Variants in MACROD2 observed in about 807,000 individuals in gnomAD.
MACROD2 encodes the protein mono-ADP ribosylhydrolase 2.
Under a neutral mutation model 70.4 loss-of-function variants are expected in MACROD2, and 36 were observed. The ratio of observed to expected loss-of-function variants is 0.51; its 90% CI spans 0.39 to 0.68. The LOEUF is 0.68. Ranked by LOEUF, MACROD2 falls within the 30% of genes least tolerant of loss-of-function variation. The probability of loss-of-function intolerance (pLI) is 0.00; values close to 1 mark genes in which losing one functional copy is unlikely to be tolerated. For missense variants in MACROD2, 496 were observed against 538.4 expected (o/e 0.92, Z 0.78); for synonymous variants, 172 against 178.8 (o/e 0.96, Z 0.30).
intron 5 of MACROD2, among the ~76,000 whole-genome samples, chr20:15,040,317 G>GA (rs11087118): frequency 0.28 from 39,177 of 140,374 alleles, 5,498 homozygotes; most frequent in South Asian, 0.37. Flanking sequence ...TCCGTCTCAG[G>GA]AAAAAAAAAA....
chr20:14,536,535 G>T (rs563122170), intron 4 of MACROD2, among the ~76,000 whole-genome samples: 65 of 151,954 alleles, frequency 4.3e-4, no homozygotes, highest in Non-Finnish European at 7.2e-4. Flanking sequence ...TTAAATGCAA[G>T]GAATCTTTAG....
chr20:14,822,462 T>C (rs1359358237), intron 5 of MACROD2, among the ~76,000 whole-genome samples: 1 of 152,074 alleles, frequency 6.6e-6, no homozygotes, highest in Non-Finnish European at 1.5e-5. Flanking sequence ...CGGCAAGCCA[T>C]TTGGTGTGCT....
intron 5 of MACROD2, among the ~76,000 whole-genome samples, chr20:14,930,760 G>A (rs187097): frequency 7.9e-6 from 1 of 126,000 alleles, no homozygotes; most frequent in Non-Finnish European, 1.6e-5. Context: ...TAGGGAGAGC[G>A]TGTCTTAAAA....
chr20:14,946,489 A>C (rs1238146975), intron 5 of MACROD2, among the ~76,000 whole-genome samples: 1 of 152,162 alleles, frequency 6.6e-6, no homozygotes, highest in Admixed American at 6.5e-5. Flanking sequence ...GATAAAAGTA[A>C]ATATAGATAT....
chr20:14,386,023 CGT>C (rs1448506088), intron 3 of MACROD2, among the ~76,000 whole-genome samples: 3 of 137,546 alleles, frequency 2.2e-5, no homozygotes, highest in South Asian at 3.2e-4. Flanking sequence ...GCCAATACAG[CGT>C]ATTTTTGTTA....
At chr20:14,089,461 A>G (rs929188742) in intron 3 of MACROD2, among the ~76,000 whole-genome samples, 1 of 152,220 alleles carries the variant, frequency 6.6e-6, no homozygotes, top group African/African-American at 2.4e-5. Flanking sequence ...TGAAGTTCTC[A>G]TGACCATATT....
chr20:15,603,875 A>G (rs543040415), intron 8 of MACROD2, among the ~76,000 whole-genome samples: 28 of 152,158 alleles, frequency 1.8e-4, no homozygotes, highest in Non-Finnish European at 3.4e-4. Flanking sequence ...GAGTGTCTTT[A>G]ATTGTTTTAA....
At chr20:15,632,954 C>T (rs1373483500) in intron 8 of MACROD2, among the ~76,000 whole-genome samples, 1 of 151,630 alleles carries the variant, frequency 6.6e-6, no homozygotes, top group Admixed American at 6.6e-5. Context: ...CCCCTCCTTC[C>T]CTCTTTCCTT....
At chr20:15,752,241 G>A (rs943963056) in intron 8 of MACROD2, among the ~76,000 whole-genome samples, 6 of 152,064 alleles carry the variant, frequency 3.9e-5, no homozygotes, top group Admixed American at 2.0e-4. Flanking sequence ...TCAACCCAGG[G>A]AAAATATACC....
In MACROD2 at chr20:15,157,349, ACCCCCCCCCACCTC is replaced by A. The variant is rs1283116118; in HGVS notation, c.419-72581_419-72568del. On this transcript the variant is annotated intron_variant, in intron 5 of 17. Transcript: ENST00000684519. ...TGACCTCATCTAAATCTAATTAACC[ACCCCCCCCCACCTC>A]CCCCCCCCCCGGCCACCCAGGCTTC... 7.3e-5 allele frequency among the ~76,000 whole-genome samples: 8 copies of A among 109,400 alleles called. 1 individual carries two copies. Among genetic ancestry groups the A allele is most frequent in the African/African-American group, 2.5e-4 (7 of 28,482 alleles). The allele number at this position is 109,400 out of a possible 152,430, so 71.8% of individuals were successfully genotyped here.
At chr20:14,022,491 A>T (rs561965916) in intron 2 of MACROD2, among the ~76,000 whole-genome samples, 193 of 151,294 alleles carry the variant, frequency 1.3e-3, no homozygotes, top group Middle Eastern at 6.8e-3. Context: ...CGTGTGCAGA[A>T]CATGCAGTTT....
intron 6 of MACROD2, among the ~76,000 whole-genome samples, chr20:15,354,304 A>G (rs2078261609): frequency 6.6e-6 from 1 of 152,118 alleles, no homozygotes; most frequent in Non-Finnish European, 1.5e-5. Context: ...GAACAATGAG[A>G]ACACATGGAC....
chr20:15,168,069 C>T lies in MACROD2; in HGVS notation c.419-61871C>T, dbSNP rs1022381346. The stretch of plus-strand genomic sequence containing the variant: ...ACTAGGTAAACTGGCATTTGAAATA[C>T]ATAATTCTTATAAAAGCCAGCATGA... On this transcript the variant is annotated intron_variant, in intron 5 of 17. Coordinates refer to ENST00000684519, the MANE Select transcript of MACROD2 (RefSeq NM_001351661.2). Among the ~76,000 whole-genome samples, 4 of 152,114 alleles carry T rather than the reference C, an allele frequency of 2.6e-5. No individual in the cohort carries two copies. The South Asian group carries it at 8.3e-4, about 32-fold the overall frequency.
At chr20:15,943,749 A>C (rs1417166317) in intron 12 of MACROD2, among the ~76,000 whole-genome samples, 1 of 152,146 alleles carries the variant, frequency 6.6e-6, no homozygotes, top group Non-Finnish European at 1.5e-5. Context: ...GCCGTACCTA[A>C]TACCTACATA....
chr20:15,665,305 C>T (rs1055362107), intron 8 of MACROD2, among the ~76,000 whole-genome samples: 7 of 152,198 alleles, frequency 4.6e-5, no homozygotes, highest in African/African-American at 1.4e-4. Flanking sequence ...CATCACTAAA[C>T]TTATGGTCGG....
chr20:14,165,379 T>C (rs1028681769), intron 3 of MACROD2, among the ~76,000 whole-genome samples: 10 of 152,192 alleles, frequency 6.6e-5, no homozygotes, highest in Non-Finnish European at 1.5e-4. Flanking sequence ...GGCTCCCAGC[T>C]GATCTCAGTC....
intron 8 of MACROD2, among the ~76,000 whole-genome samples, chr20:15,851,947 G>A (rs1253889594): frequency 6.6e-6 from 1 of 152,146 alleles, no homozygotes; most frequent in African/African-American, 2.4e-5. Flanking sequence ...CTTTAATCGT[G>A]AAAAGAAAGC....
chr20:15,951,306 GACACACACACACAC>G lies in MACROD2; in HGVS notation c.907+13794_907+13807del, dbSNP rs58032991. On this transcript the variant is annotated intron_variant, in intron 12 of 17. Coordinates refer to ENST00000684519, the MANE Select transcript of MACROD2 (RefSeq NM_001351661.2). ...GTTCCTAGGAGGATATATTTATCTA[GACACACACACACAC>G]ACACACACACACACACACACACACA... Among the ~76,000 whole-genome samples the G allele has an allele frequency of 2.1e-3, 280 of 135,618 alleles. 2 individuals carry two copies. Among genetic ancestry groups the G allele is most frequent in the African/African-American group, 5.9e-3 (218 of 36,694 alleles). The allele number at this position is 135,618 out of a possible 152,430, so 89.0% of individuals were successfully genotyped here. A position where few individuals can be genotyped will look rare whatever the true frequency, so the allele number is the denominator to read the frequency against.
intron 5 of MACROD2, among the ~76,000 whole-genome samples, chr20:14,950,183 T>G (rs2074464061): frequency 6.6e-6 from 1 of 152,266 alleles, no homozygotes; most frequent in African/African-American, 2.4e-5. Context: ...TTAAGGCAGA[T>G]GGCTTCTAGG....
Sources: allele counts gnomAD v4.1 joint callset (sites outside exome capture counted in the v4.1 genomes callset), GRCh38; gene constraint gnomAD v4.1.1; transcripts MANE v1.5; gene names NCBI Gene and HGNC (gene_info 2026-07-23, HGNC 2026-07-21).